KLRG1: variants seen among roughly 807,000 people sequenced by gnomAD.
The protein encoded by KLRG1 is killer cell lectin like receptor G1.
KLRG1 carries 16 observed loss-of-function variants against 21.8 expected under a neutral mutation model. The observed-to-expected ratio is 0.73, with a 90% CI of 0.50 to 1.11. KLRG1 has a LOEUF of 1.11. Ranked by LOEUF, KLRG1 falls within the 50% of genes most tolerant of loss-of-function variation. The pLI, the probability that KLRG1 is intolerant of heterozygous loss-of-function variation, is 0.00. For synonymous variants in KLRG1, 69 were observed against 75.9 expected (o/e 0.91, Z 0.47); for missense variants, 173 against 218.3 (o/e 0.79, Z 1.31).
At chr12:9,028,150 T>TTC in the KLRG1 span, 2,946 of 187,818 alleles carry the variant, frequency 0.016, 10 homozygotes, top group African/African-American at 0.12. Context: ...CGTCTTCTTC[T>TTC]TTTTTTTTTT....
chr12:9,181,247 T>A, the KLRG1 span: 5 of 1,328,052 alleles, frequency 3.8e-6, no homozygotes, highest in South Asian at 6.9e-5. Flanking sequence ...GTTGGTAATG[T>A]CAGTCAGAAA....
At position 9,009,866 on chromosome 12, in the gene KLRG1, T is replaced by C. The variant is rs1947592157; in HGVS notation, c.*329T>C. 2.0e-6 allele frequency: 3 copies of C among 1,479,174 alleles called. No homozygotes were observed. The highest frequency in any genetic ancestry group is 2.4e-4 in the Middle Eastern group (1 of 4,226). The allele number at this position is 1,479,174 out of a possible 1,614,324, so 91.6% of individuals were successfully genotyped here. A position where few individuals can be genotyped will look rare whatever the true frequency, so the allele number is the denominator to read the frequency against. ...CATCTCTGTCAAAAATATACCTTTT[T>C]CATATGATATTCTGAGCTAATCTGA... is the stretch of plus-strand genomic sequence containing the variant. On this transcript the variant is annotated 3_prime_UTR_variant, in exon 5 of 5. Transcript: ENST00000356986.
chr12:9,094,340 CATATATATATATATAT>C, the KLRG1 span, among the ~76,000 whole-genome samples: 17 of 97,030 alleles, frequency 1.8e-4, no homozygotes, highest in South Asian at 1.2e-3. Flanking sequence ...AAAAATTGTG[CATATATATATATATAT>C]ATATATATAT....
chr12:9,011,261 T>C (rs569073921), downstream of KLRG1, among the ~76,000 whole-genome samples: 25 of 152,268 alleles, frequency 1.6e-4, no homozygotes, highest in Middle Eastern at 0.01. Context: ...TCCCTTAAGG[T>C]TGTTACAAGA....
At chr12:9,014,622 A>G (rs771161725), downstream of KLRG1, among the ~76,000 whole-genome samples, 7 of 152,312 alleles carry the variant, frequency 4.6e-5, no homozygotes, top group South Asian at 6.2e-4. Flanking sequence ...GGGTTCTTCA[A>G]TCTGAAAGAA....
At chr12:9,068,214 T>G in the KLRG1 span, 1 of 1,608,906 alleles carries the variant, frequency 6.2e-7, no homozygotes. Context: ...ACTCAGCAAT[T>G]GCAAACTCAT....
the KLRG1 span, among the ~76,000 whole-genome samples, chr12:9,060,937 A>T: frequency 6.6e-6 from 1 of 152,172 alleles, no homozygotes; most frequent in South Asian, 2.1e-4. Context: ...ATTTTGCTTA[A>T]TTAATATGTC....
At chr12:9,142,612 T>C in the KLRG1 span, among the ~76,000 whole-genome samples, 1 of 152,204 alleles carries the variant, frequency 6.6e-6, no homozygotes, top group African/African-American at 2.4e-5. Context: ...GCTTTTTAAA[T>C]AGACATTGCA....
chr12:9,113,627 A>G, the KLRG1 span: 2 of 1,330,210 alleles, frequency 1.5e-6, no homozygotes, highest in Non-Finnish European at 1.1e-6. Flanking sequence ...CATCATAATT[A>G]TCATCATCAG....
the KLRG1 span, chr12:9,109,946 G>A: frequency 1.2e-6 from 2 of 1,614,012 alleles, no homozygotes; most frequent in South Asian, 2.2e-5. Context: ...AGCCCTGGAA[G>A]GGCTCTGATG....
intron 3 of KLRG1, among the ~76,000 whole-genome samples, chr12:8,997,808 T>C (rs980236299): frequency 6.6e-6 from 1 of 151,946 alleles, no homozygotes; most frequent in Non-Finnish European, 1.5e-5. Context: ...CTTTTTGAGA[T>C]GGAGTTTTGC....
chr12:9,080,150 A>G, the KLRG1 span: 11 of 1,587,486 alleles, frequency 6.9e-6, no homozygotes, highest in African/African-American at 1.3e-5. Context: ...TGGCAGTTTC[A>G]GGGATAATTC....
At chr12:9,147,308 A>G in the KLRG1 span, among the ~76,000 whole-genome samples, 32 of 152,316 alleles carry the variant, frequency 2.1e-4, no homozygotes, top group East Asian at 4.1e-3. Context: ...CTGGCAAGAT[A>G]GAAACCAGTT....
intron 1 of KLRG1, among the ~76,000 whole-genome samples, chr12:8,964,191 C>G (rs778033810): frequency 1.7e-3 from 253 of 152,340 alleles, no homozygotes; most frequent in East Asian, 1.2e-3. Context: ...AAATTTCCCT[C>G]TACACACTGC....
At chr12:8,980,850 A>G (rs1031041512) in intron 1 of KLRG1, among the ~76,000 whole-genome samples, 1 of 152,160 alleles carries the variant, frequency 6.6e-6, no homozygotes, top group Non-Finnish European at 1.5e-5. Flanking sequence ...GATGGCTGCT[A>G]GAGTCCTGAG....
At chr12:9,071,553 G>A in the KLRG1 span, among the ~76,000 whole-genome samples, 1,467 of 152,128 alleles carry the variant, frequency 9.6e-3, 15 homozygotes, top group Non-Finnish European at 0.016. Context: ...ACTAAATTTT[G>A]CACTGAATTG....
chr12:9,159,572 A>T, the KLRG1 span, among the ~76,000 whole-genome samples: 695 of 152,210 alleles, frequency 4.6e-3, 2 homozygotes, highest in Non-Finnish European at 9.0e-3. Context: ...CTATCATGAC[A>T]GTTGGACTGG....
chr12:9,079,608 C>T, the KLRG1 span: 3 of 1,594,248 alleles, frequency 1.9e-6, no homozygotes, highest in East Asian at 6.7e-5. Flanking sequence ...AAATAACATT[C>T]AAGTTTTCCC....
At chr12:9,119,803 G>A in the KLRG1 span, among the ~76,000 whole-genome samples, 6 of 152,214 alleles carry the variant, frequency 3.9e-5, no homozygotes, top group South Asian at 2.1e-4. Flanking sequence ...GAGAGATGCC[G>A]CATTCATTAT....
Sources: gnomAD v4.1 joint callset for allele counts (sites outside exome capture counted in the v4.1 genomes callset) on GRCh38, gnomAD v4.1.1 for gene constraint, MANE v1.5 for transcripts, NCBI Gene and HGNC (gene_info 2026-07-23, HGNC 2026-07-21) for gene names.